TMPRSS9: variants seen among roughly 807,000 people sequenced by gnomAD.
TMPRSS9 encodes transmembrane protease serine 9.
Under a neutral mutation model 111.4 loss-of-function variants are expected in TMPRSS9, and 113 were observed. The observed-to-expected ratio is 1.01, with a 90% CI of 0.87 to 1.19. The LOEUF (loss-of-function observed/expected upper bound fraction) is 1.19, where lower values mean the gene tolerates loss of function less well. TMPRSS9 is among the 50% of genes most tolerant of loss of function. The pLI is 0.00. For synonymous variants in TMPRSS9, 805 were observed against 659.1 expected, an observed-to-expected ratio of 1.22 and a Z score of -3.39; for missense variants, 1,803 against 1,513.1, an observed-to-expected ratio of 1.19 and a Z score of -3.18.
chr19:2,422,930 G>T (rs1294119856), intron 14 of TMPRSS9, among the ~76,000 whole-genome samples: 2 of 152,018 alleles, frequency 1.3e-5, no homozygotes, highest in African/African-American at 4.8e-5. Context: ...GATGGTGCAT[G>T]CCTGTGGTTC....
intron 9 of TMPRSS9, among the ~76,000 whole-genome samples, chr19:2,411,947 A>T (rs748117044): frequency 1.3e-5 from 2 of 152,002 alleles, no homozygotes; most frequent in Non-Finnish European, 2.9e-5. Context: ...CGTGGATACC[A>T]TTTCTTTCTT....
chr19:2,413,466 A>G (rs1166972014), intron 9 of TMPRSS9, among the ~76,000 whole-genome samples: 1 of 152,188 alleles, frequency 6.6e-6, no homozygotes, highest in Non-Finnish European at 1.5e-5. Flanking sequence ...CAGAGGTAGG[A>G]CTGAAAGACA....
In TMPRSS9 at chr19:2,418,315, C is replaced by CTCCTTCCCTTTCCT. The variant is rs1555680699; in HGVS notation, c.2154+180_2154+181insTTCCCTTTCCTTCC. On this transcript the variant is annotated intron_variant, in intron 13 of 17. Coordinates refer to ENST00000648592, the Ensembl canonical transcript of TMPRSS9. Reference sequence around the variant, plus strand: ...CCTTTCCTTCCCTCCCTTTCCCTCCCTCCCTCCCTCCCTCCCTTTCCTTCC... The same window carrying CTCCTTCCCTTTCCT: ...CCTTTCCTTCCCTCCCTTTCCCTCCCTCCTTCCCTTTCCTTCCCTCCCTCCCTCCCTTTCCTTCC... Among the ~76,000 whole-genome samples the CTCCTTCCCTTTCCT allele has an allele frequency of 2.5e-4, 9 of 36,638 alleles. 1 individual carries two copies. Among genetic ancestry groups the CTCCTTCCCTTTCCT allele is most frequent in the Non-Finnish European group, 3.2e-4 (7 of 22,148 alleles). The allele number at this position is 36,638 out of a possible 152,430, so 24.0% of individuals were successfully genotyped here.
intron 15 of TMPRSS9, 43 bp from the exon 17 acceptor site, chr19:2,424,959 G>T (rs1295087097): frequency 3.5e-6 from 5 of 1,426,814 alleles, no homozygotes; most frequent in Non-Finnish European, 4.6e-6. Flanking sequence ...GGGGCCGGGG[G>T]CGTGGGGGCT....
chr19:2,423,569 G>A (rs1275940963), intron 14 of TMPRSS9, among the ~76,000 whole-genome samples: 1 of 152,126 alleles, frequency 6.6e-6, no homozygotes, highest in Non-Finnish European at 1.5e-5. Flanking sequence ...ACAGCAGGTG[G>A]GTATGGGACC....
At chr19:2,369,111 C>A (rs1045581323) in intron 1 of TMPRSS9, among the ~76,000 whole-genome samples, 1 of 151,744 alleles carries the variant, frequency 6.6e-6, no homozygotes, top group African/African-American at 2.4e-5. Flanking sequence ...ACCACCACAC[C>A]CAGCTAATTT....
At chr19:2,405,073 A>G (rs952057865) in intron 6 of TMPRSS9, among the ~76,000 whole-genome samples, 2 of 152,152 alleles carry the variant, frequency 1.3e-5, no homozygotes, top group African/African-American at 4.8e-5. Context: ...ACAATATCCT[A>G]TACAAACATG....
intron 1 of TMPRSS9, among the ~76,000 whole-genome samples, chr19:2,380,979 C>A (rs984459795): frequency 6.6e-6 from 1 of 150,598 alleles, no homozygotes; most frequent in Non-Finnish European, 1.5e-5. Flanking sequence ...AAACCCTCCC[C>A]TGACGGCGTG....
chr19:2,425,654 C>T (rs2145431249), intron 17 of TMPRSS9, 161 bp downstream of exon 18: 1 of 1,344,764 alleles, frequency 7.4e-7, no homozygotes, highest in African/African-American at 1.5e-5. Context: ...ATTTCCACTC[C>T]ACAGCCGTTT....
rs199788288 is a variant in TMPRSS9, at chr19:2,418,370, TCCCTC to T, written c.2154+235_2154+239del. ...CTTTCCCTCCCTCCCTCCCTTCCCT[TCCCTC>T]CCTCCCTTTCCTTCCCTCCCTGGCC... On this transcript the variant is annotated intron_variant, in intron 13 of 17. Transcript: ENST00000648592. Among the ~76,000 whole-genome samples the T allele has an allele frequency of 5.9e-5, 3 of 50,926 alleles. 1 individual carries two copies. The highest frequency in any genetic ancestry group is 1.1e-4 in the Non-Finnish European group (3 of 27,866). 33.4% of individuals were successfully genotyped at this position (50,926 alleles called of 152,430 possible).
At chr19:2,379,178 TCTC>T (rs756758486) in intron 1 of TMPRSS9, among the ~76,000 whole-genome samples, 131 of 129,454 alleles carry the variant, frequency 1.0e-3, no homozygotes, top group African/African-American at 2.2e-3. Context: ...TGAGCTTCTT[TCTC>T]TTTTTTTTTT....
exon 11 of TMPRSS9, chr19:2,415,811 G>T (rs1971218627): frequency 6.2e-7 from 1 of 1,601,968 alleles, no homozygotes; most frequent in East Asian, 2.3e-5. Flanking sequence ...GGGGACCGCT[G>T]GCTGCTGTCT....
exon 18 of TMPRSS9, chr19:2,426,008 TGTGGCC>T (rs1357794568): frequency 1.9e-6 from 3 of 1,607,148 alleles, no homozygotes; most frequent in Admixed American, 3.4e-5. Flanking sequence ...GGGCTATGGC[TGTGGCC>T]GGCCCCACTT....
chr19:2,424,946 G>C, intron 15 of TMPRSS9, 56 bp from the exon 17 acceptor site: 16 of 1,396,938 alleles, frequency 1.1e-5, no homozygotes, highest in Non-Finnish European at 1.5e-5. Context: ...CACCACAGGG[G>C]CGGGGGCCGG....
At chr19:2,422,956 C>T (rs1971499750) in intron 14 of TMPRSS9, among the ~76,000 whole-genome samples, 1 of 151,598 alleles carries the variant, frequency 6.6e-6, no homozygotes, top group African/African-American at 2.4e-5. Context: ...ACTGGGGAGG[C>T]TGAGACAGGA....
At chr19:2,424,838 C>T (rs1971567471) in intron 15 of TMPRSS9, among the ~76,000 whole-genome samples, 164 bp from the exon 17 acceptor site, 1 of 152,100 alleles carries the variant, frequency 6.6e-6, no homozygotes, top group African/African-American at 2.4e-5. Flanking sequence ...GGTGCCGCCT[C>T]GGTGCCTGAT....
chr19:2,398,894 C>T (rs1373519054), intron 3 of TMPRSS9, 32 bp downstream of exon 4: 3 of 1,530,094 alleles, frequency 2.0e-6, no homozygotes, highest in Non-Finnish European at 2.6e-6. Context: ...GTGAAGGAAA[C>T]TTGGTGGACA....
At chr19:2,422,125 G>A in exon 14 of TMPRSS9, 1 of 1,597,848 alleles carries the variant, frequency 6.3e-7, no homozygotes, top group Non-Finnish European at 8.5e-7. Context: ...CCCACCCCTG[G>A]GGCTGCCAGC....
chr19:2,416,691 C>T, exon 12 of TMPRSS9: 1 of 1,613,166 alleles, frequency 6.2e-7, no homozygotes, highest in East Asian at 2.2e-5. Flanking sequence ...TGGAGCTGGC[C>T]AGCCCCCTGG....
Sources: allele counts gnomAD v4.1 joint callset (sites outside exome capture counted in the v4.1 genomes callset), GRCh38; gene constraint gnomAD v4.1.1; transcripts MANE v1.5; gene names NCBI Gene and HGNC (gene_info 2026-07-23, HGNC 2026-07-21).